CFAP54: variants seen among roughly 807,000 people sequenced by gnomAD.
The protein encoded by CFAP54 is cilia and flagella associated protein 54.
CFAP54 carries 290 observed loss-of-function variants against 370.4 expected under a neutral mutation model. The observed-to-expected ratio is 0.78, with a 90% CI of 0.71 to 0.86. CFAP54 has a LOEUF of 0.86. CFAP54 is among the 40% of genes least tolerant of loss of function. CFAP54 has a pLI of 0.00. For missense variants in CFAP54, 3,399 were observed against 3,528.7 expected, an observed-to-expected ratio of 0.96 and a Z score of 0.93; for synonymous variants, 1,206 against 1,236.5, an observed-to-expected ratio of 0.98 and a Z score of 0.52.
chr12:96,820,815 A>G (rs910854607), intron 65 of CFAP54, among the ~76,000 whole-genome samples: 6 of 152,144 alleles, frequency 3.9e-5, no homozygotes, highest in African/African-American at 1.2e-4. Flanking sequence ...CTATTTTTAT[A>G]CTTCTTTTGT....
intron 9 of CFAP54, among the ~76,000 whole-genome samples, chr12:96,528,761 A>G (rs1452097966): frequency 6.6e-6 from 1 of 152,102 alleles, no homozygotes; most frequent in Non-Finnish European, 1.5e-5. Flanking sequence ...TCCCTATTGT[A>G]TGTCCATTTT....
intron 26 of CFAP54, among the ~76,000 whole-genome samples, chr12:96,620,417 T>C (rs1956473691): frequency 6.6e-6 from 1 of 152,230 alleles, no homozygotes. Context: ...AGTTCCCCTA[T>C]ACAGGCCCTC....
At chr12:96,654,778 A>G (rs1451611139) in intron 36 of CFAP54, among the ~76,000 whole-genome samples, 2 of 150,502 alleles carry the variant, frequency 1.3e-5, no homozygotes, top group East Asian at 3.9e-4. Context: ...TAGCTGCCAC[A>G]TGTAAGTGAG....
At chr12:96,723,456 G>T (rs1957783441) in intron 50 of CFAP54, among the ~76,000 whole-genome samples, 1 of 152,104 alleles carries the variant, frequency 6.6e-6, no homozygotes, top group Non-Finnish European at 1.5e-5. Flanking sequence ...GAAAGTGGTT[G>T]AGGAGAATGG....
intron 67 of CFAP54, among the ~76,000 whole-genome samples, chr12:96,868,354 T>C (rs1960060350): frequency 6.6e-6 from 1 of 152,176 alleles, no homozygotes; most frequent in South Asian, 2.1e-4. Context: ...TTTTTCACAT[T>C]TTTTGGTCCA....
intron 33 of CFAP54, chr12:96,646,536 C>G (rs1956794037): frequency 6.6e-6 from 1 of 152,222 alleles, no homozygotes; most frequent in African/African-American, 2.4e-5. Flanking sequence ...TTGTGGAAGT[C>G]AGTGTGGCGA....
At chr12:96,773,868 C>G (rs1037416675) in intron 60 of CFAP54, among the ~76,000 whole-genome samples, 1 of 152,036 alleles carries the variant, frequency 6.6e-6, no homozygotes, top group African/African-American at 2.4e-5. Context: ...TGGGTCAATT[C>G]CCATAAAGCA....
At chr12:96,658,567 C>T (rs1217903644) in intron 38 of CFAP54, among the ~76,000 whole-genome samples, 1 of 152,126 alleles carries the variant, frequency 6.6e-6, no homozygotes, top group East Asian at 1.9e-4. Flanking sequence ...CAGGCCAAGA[C>T]TAACTTAGCC....
At position 96,578,326 on chromosome 12, in the gene CFAP54, A is replaced by G. The variant is rs77972971; in HGVS notation, c.2796+1565A>G. Reference sequence around the variant, plus strand: ...GAGGAGGGGAATAGAAGTGACATTCATCTTATACCTAACTGTGCTATGACA... The same window carrying G: ...GAGGAGGGGAATAGAAGTGACATTCGTCTTATACCTAACTGTGCTATGACA... On this transcript the variant is annotated intron_variant, in intron 20 of 67. Transcript: ENST00000524981. Among the ~76,000 whole-genome samples the G allele has an allele frequency of 6.5e-3, 997 of 152,324 alleles. 10 individuals are homozygous for G. Among genetic ancestry groups the G allele is most frequent in the African/African-American group, 0.023 (950 of 41,578 alleles).
At chr12:96,627,194 A>G (rs1956557781) in intron 30 of CFAP54, among the ~76,000 whole-genome samples, 1 of 152,220 alleles carries the variant, frequency 6.6e-6, no homozygotes, top group African/African-American at 2.4e-5. Context: ...TTTGCTATTG[A>G]GTCAGGATGG....
At chr12:96,843,222 G>A (rs1265384714) in intron 66 of CFAP54, among the ~76,000 whole-genome samples, 1 of 152,182 alleles carries the variant, frequency 6.6e-6, no homozygotes, top group African/African-American at 2.4e-5. Flanking sequence ...GGCCCAGTGA[G>A]CTCCTTCATA....
chr12:96,546,116 T>C (rs1955637965), intron 14 of CFAP54, among the ~76,000 whole-genome samples: 1 of 152,190 alleles, frequency 6.6e-6, no homozygotes, highest in Admixed American at 6.5e-5. Flanking sequence ...CTGGGGCTTA[T>C]GGTCAGCATT....
rs1234556573 is a variant in CFAP54, at chr12:96,564,665, TAAAG to T, written c.2522_2525del (p.Lys841ArgfsTer10). 1.7e-5 allele frequency: 11 copies of T among 638,608 alleles called. No individual in the cohort carries two copies. In the South Asian group the frequency reaches 1.8e-4, roughly 11 times the overall value. 39.6% of individuals were successfully genotyped at this position (638,608 alleles called of 1,614,324 possible). A position where few individuals can be genotyped will look rare whatever the true frequency, so the allele number is the denominator to read the frequency against. On this transcript the variant is annotated frameshift_variant, in exon 19 of 68. Transcript: ENST00000524981. LOFTEE classifies it high-confidence loss of function. ...ATAGAATTAAATATAATGAATAAAA[TAAAG>T]AAGAATACATTATCCAAAGCAATTT...
intron 39 of CFAP54, among the ~76,000 whole-genome samples, chr12:96,675,733 A>T (rs903104547): frequency 2.0e-5 from 3 of 152,194 alleles, no homozygotes; most frequent in Admixed American, 6.5e-5. Flanking sequence ...TGTGGCACAT[A>T]TACACCATGG....
intron 65 of CFAP54, among the ~76,000 whole-genome samples, chr12:96,828,550 A>G (rs79738246): frequency 0.015 from 2,331 of 152,224 alleles, 68 homozygotes; most frequent in African/African-American, 0.053. Flanking sequence ...TGACAGATTC[A>G]ACCTGTCTGT....
rs745676385 is a variant in CFAP54, at chr12:96,651,705, T to G, written c.4990T>G (p.Phe1664Val). ...ACAGGCAGTGGATCTTGATAAAACA[T>G]TTCCTATTAGCCAAGATGGTTTCCT... ...LKQAVDLDKT[F>V]PISQDGFLCT... The change falls in exon 36 of 68, where the codon TTT becomes GTT. Residue 1664 changes from phenylalanine to valine, a missense_variant. Phe to Val is a conservative substitution (Grantham distance 50). Around this residue, in one of 3 missense-constraint regions of CFAP54, gnomAD observed 2,796 missense variants for 2,869.7 expected, o/e 0.97. Coordinates refer to ENST00000524981, the MANE Select transcript of CFAP54 (RefSeq NM_001306084.2). The G allele has an allele frequency of 2.5e-6, 4 of 1,613,882 alleles. No homozygotes were observed. In the African/African-American group the frequency reaches 5.3e-5, roughly 22 times the overall value.
chr12:96,667,642 A>T (rs1250550367), intron 39 of CFAP54, among the ~76,000 whole-genome samples: 1 of 152,158 alleles, frequency 6.6e-6, no homozygotes, highest in Non-Finnish European at 1.5e-5. Flanking sequence ...GACCCAGGAA[A>T]TCCTTTTTCT....
Position 96,533,218 on chromosome 12 carries a change from A to G in CFAP54, c.1358-574A>G, listed in dbSNP as rs1260843123. Among the ~76,000 whole-genome samples, 4 of 151,838 alleles carry G rather than the reference A, an allele frequency of 2.6e-5. No individual in the cohort carries two copies. The South Asian group carries it at 6.2e-4, about 24-fold the overall frequency. On this transcript the variant is annotated intron_variant, in intron 9 of 67. Coordinates refer to ENST00000524981, the MANE Select transcript of CFAP54 (RefSeq NM_001306084.2). ...TGAGCTCAAGTTATCATCCTGCTTC[A>G]GCCTTCTGAGTAACAGAGACTATAG...
intron 27 of CFAP54, among the ~76,000 whole-genome samples, chr12:96,623,263 C>T (rs1956519415): frequency 6.6e-6 from 1 of 152,212 alleles, no homozygotes; most frequent in South Asian, 2.1e-4. Flanking sequence ...GGTAGTGAGC[C>T]TGAGTGGGCA....
Sources: gnomAD v4.1 joint callset for allele counts (sites outside exome capture counted in the v4.1 genomes callset) on GRCh38, gnomAD v4.1.1 for gene constraint, gnomAD v4.1.1 regional missense constraint, MANE v1.5 for transcripts, NCBI Gene and HGNC (gene_info 2026-07-23, HGNC 2026-07-21) for gene names.